The following WDR25 variants were observed in gnomAD, a reference collection of about 807,000 sequenced individuals.
WDR25 encodes the protein WD repeat-containing protein 25.
Under a neutral mutation model 47.7 loss-of-function variants are expected in WDR25, and 35 were observed. The ratio of observed to expected loss-of-function variants is 0.73; its 90% CI spans 0.56 to 0.97. WDR25 has a LOEUF of 0.97. Among genes scored for constraint, WDR25 ranks in the 50% least tolerant of loss-of-function variants. The pLI, the probability that WDR25 is intolerant of heterozygous loss-of-function variation, is 0.00. For missense variants in WDR25, 634 were observed against 704.7 expected (o/e 0.90, Z 1.14); for synonymous variants, 248 against 278.9 (o/e 0.89, Z 1.10).
intron 2 of WDR25, among the ~76,000 whole-genome samples, chr14:100,465,752 T>C (rs540330487): frequency 1.3e-5 from 2 of 152,368 alleles, no homozygotes; most frequent in East Asian, 3.9e-4. Flanking sequence ...CATGTCATAA[T>C]TCTACATTTA....
Position 100,381,255 on chromosome 14 carries a change from G to C in WDR25, c.331G>C (p.Glu111Gln), listed in dbSNP as rs913036404. Residue 111 changes from glutamate (E) to glutamine (Q), a missense_variant, in exon 2 of 7, where the codon GAG becomes CAG. Coordinates refer to ENST00000402312, the MANE Select transcript of WDR25 (RefSeq NM_001161476.3). Reference protein sequence around the residue: ...KEPQVTFPIKEPSCSSLWTSH... With the variant: ...KEPQVTFPIKQPSCSSLWTSH... ...GCCTCAAGTCACCTTCCCCATCAAA[G>C]AGCCTTCTTGTTCTTCTCTGTGGAC... 24 of 1,613,996 alleles carry C rather than the reference G, an allele frequency of 1.5e-5. No individual in the cohort carries two copies. Among genetic ancestry groups the C allele is most frequent in the Non-Finnish European group, 1.9e-5 (22 of 1,180,000 alleles).
chr14:100,398,763 G>GT lies in WDR25; in HGVS notation c.822+17024dup, dbSNP rs577994372. On this transcript the variant is annotated intron_variant, in intron 2 of 6. Coordinates refer to ENST00000402312, the MANE Select transcript of WDR25 (RefSeq NM_001161476.3). ...GCTCTTGCTATTTAATAAGTAATTTGTTTTTTTGGGGGGTGGACTGGGCAG... is the reference window on the plus strand; with the variant it reads ...GCTCTTGCTATTTAATAAGTAATTTGTTTTTTTTGGGGGGTGGACTGGGCAG... Among the ~76,000 whole-genome samples the GT allele has an allele frequency of 2.0e-5, 3 of 148,656 alleles. No individual in the cohort carries two copies. The South Asian group carries it at 6.5e-4, about 32-fold the overall frequency.
chr14:100,509,985 T>C (rs1901248027), intron 4 of WDR25, among the ~76,000 whole-genome samples: 1 of 152,168 alleles, frequency 6.6e-6, no homozygotes, highest in Non-Finnish European at 1.5e-5. Flanking sequence ...AAAAATTTTT[T>C]GTAGGCTGGT....
intron 2 of WDR25, among the ~76,000 whole-genome samples, chr14:100,438,189 A>G (rs1384962010): frequency 6.6e-6 from 1 of 152,216 alleles, no homozygotes; most frequent in Non-Finnish European, 1.5e-5. Flanking sequence ...AAGATTTGCA[A>G]AGACAGGCAC....
intron 4 of WDR25, among the ~76,000 whole-genome samples, chr14:100,511,523 A>G (rs1294718755): frequency 4.0e-5 from 6 of 151,798 alleles, no homozygotes; most frequent in Non-Finnish European, 7.4e-5. Context: ...GTCTATCTCT[A>G]TCCTCTCTCT....
intron 2 of WDR25, among the ~76,000 whole-genome samples, chr14:100,413,445 GCT>G (rs1350273286): frequency 6.7e-6 from 1 of 148,474 alleles, no homozygotes; most frequent in East Asian, 2.0e-4. Context: ...ACGGAGTCTC[GCT>G]CTGTCGCCCA....
chr14:100,510,428 C>T (rs891612448), intron 4 of WDR25, among the ~76,000 whole-genome samples: 7 of 151,488 alleles, frequency 4.6e-5, no homozygotes, highest in Admixed American at 3.3e-4. Context: ...CCACCACACT[C>T]GGCTAATTTA....
intron 2 of WDR25, chr14:100,454,569 A>G: frequency 1.6e-6 from 1 of 641,972 alleles, no homozygotes; most frequent in Non-Finnish European, 2.5e-6. Context: ...AAAAAAAAGC[A>G]GGCAGAGACT....
Position 100,475,379 on chromosome 14 carries a change from G to A in WDR25, c.970+7211G>A, listed in dbSNP as rs116682859. Among the ~76,000 whole-genome samples the A allele has an allele frequency of 6.9e-3, 1,043 of 152,212 alleles. 16 individuals carry two copies. The highest frequency in any genetic ancestry group is 0.024 in the African/African-American group (1,001 of 41,514). Reference sequence around the variant, plus strand: ...GTAGCCAAGATATGGAAGCCACCTCGGTGTCCATCAGCAGATGAGTGGATA... The same window carrying A: ...GTAGCCAAGATATGGAAGCCACCTCAGTGTCCATCAGCAGATGAGTGGATA... On this transcript the variant is annotated intron_variant, in intron 3 of 6. Coordinates refer to ENST00000402312, the MANE Select transcript of WDR25 (RefSeq NM_001161476.3).
intron 2 of WDR25, among the ~76,000 whole-genome samples, chr14:100,448,308 A>G (rs1051930555): frequency 3.3e-5 from 5 of 152,146 alleles, no homozygotes; most frequent in African/African-American, 1.2e-4. Context: ...GTCTGCATAG[A>G]AAAATACTGT....
chr14:100,450,384 T>C (rs1013178240), intron 2 of WDR25, among the ~76,000 whole-genome samples: 1 of 152,214 alleles, frequency 6.6e-6, no homozygotes, highest in African/African-American at 2.4e-5. Context: ...TATTGTCATC[T>C]CCTAGAGCCA....
intron 2 of WDR25, among the ~76,000 whole-genome samples, chr14:100,457,402 T>C (rs1899241353): frequency 6.6e-6 from 1 of 152,216 alleles, no homozygotes; most frequent in Admixed American, 6.5e-5. Flanking sequence ...GAACACCGTT[T>C]GAAAGCACTG....
intron 2 of WDR25, among the ~76,000 whole-genome samples, chr14:100,464,335 C>T (rs566310369): frequency 6.6e-6 from 1 of 152,326 alleles, no homozygotes; most frequent in South Asian, 2.1e-4. Context: ...CTTCCCTTGA[C>T]CTTATAGAGC....
rs750682910 is a variant in WDR25, at chr14:100,449,090, T to C, written c.823-18931T>C. Among the ~76,000 whole-genome samples the C allele has an allele frequency of 3.3e-5, 5 of 152,170 alleles. No homozygotes were observed. Among genetic ancestry groups the C allele is most frequent in the African/African-American group, 7.2e-5 (3 of 41,444 alleles). On this transcript the variant is annotated intron_variant, in intron 2 of 6. Transcript: ENST00000402312. The surrounding 1 kb of genome is among the most constrained non-coding windows in gnomAD (Gnocchi z 4.2). ...GAGTCAGCCACTGACTTTCCCACTG[T>C]AGCTGTTTACAACCCCCTAAGCCCT... is the stretch of plus-strand genomic sequence containing the variant.
chr14:100,385,521 C>A (rs1896999371), intron 2 of WDR25, among the ~76,000 whole-genome samples: 1 of 152,206 alleles, frequency 6.6e-6, no homozygotes, highest in Admixed American at 6.5e-5. Context: ...GGAATTCATA[C>A]ATTTCAACTG....
chr14:100,453,965 C>G (rs987780404), intron 2 of WDR25, among the ~76,000 whole-genome samples: 7 of 152,128 alleles, frequency 4.6e-5, no homozygotes, highest in Admixed American at 3.3e-4. Context: ...AGATGCTGAT[C>G]GAGTTTCTCC....
chr14:100,496,861 A>T (rs1900749577), intron 4 of WDR25, among the ~76,000 whole-genome samples: 1 of 110,142 alleles, frequency 9.1e-6, no homozygotes, highest in Admixed American at 1.2e-4. Context: ...TTGGAGACAG[A>T]GTCTTGCTCT....
chr14:100,478,754 C>T (rs7492607), intron 3 of WDR25, among the ~76,000 whole-genome samples: 98,069 of 152,006 alleles, frequency 0.65, 31,948 homozygotes, highest in Admixed American at 0.72. Context: ...AGAAAAAGTT[C>T]GATCATCGTC....
At chr14:100,480,797 T>A (rs539127015) in intron 3 of WDR25, among the ~76,000 whole-genome samples, 167 of 152,310 alleles carry the variant, frequency 1.1e-3, no homozygotes, top group African/African-American at 3.8e-3. Flanking sequence ...GAGCCATTAT[T>A]TGACATTAGG....
Sources: allele counts gnomAD v4.1 joint callset (sites outside exome capture counted in the v4.1 genomes callset), GRCh38; gene constraint gnomAD v4.1.1; non-coding constraint Gnocchi (gnomAD v3.1); transcripts MANE v1.5; gene names NCBI Gene and HGNC (gene_info 2026-07-23, HGNC 2026-07-21).